Variants in MAML3 observed in about 807,000 individuals in gnomAD.
The protein encoded by MAML3 is mastermind like transcriptional coactivator 3.
In MAML3, 27 loss-of-function variants were observed where a neutral mutation model predicts 101.9. The observed-to-expected ratio is 0.27, with a 90% confidence interval of 0.20 to 0.37. MAML3 has a LOEUF of 0.37. MAML3 is among the 10% of genes least tolerant of loss of function. The probability of loss-of-function intolerance (pLI) is 1.00; values close to 1 mark genes in which losing one functional copy is unlikely to be tolerated. For synonymous variants in MAML3, 501 were observed against 555.9 expected (o/e 0.90, Z 1.39); for missense variants, 1,316 against 1,444.9 (o/e 0.91, Z 1.45).
chr4:139,919,052 A>C (rs977346286), intron 1 of MAML3, among the ~76,000 whole-genome samples: 1 of 152,246 alleles, frequency 6.6e-6, no homozygotes, highest in African/African-American at 2.4e-5. Context: ...CTAAAGAGAA[A>C]TACTACAGGT....
At position 139,890,284 on chromosome 4, in the gene MAML3, G is replaced by T. The variant is rs375901234; in HGVS notation, c.1152C>A (p.Pro384=). ...PQARPSSSGP[P]FSTVSTATSL... ...TAGTGGCCGTGGAGACAGTAGAAAA[G>T]GGAGGACCAGAAGAAGAAGGCCTCG... Residue 384 remains proline (P), a synonymous_variant, in exon 2 of 5, where the codon CCC becomes CCA. Transcript: ENST00000509479. This position sits in a 1 kb window ranked among gnomAD's most constrained non-coding sequence, Gnocchi z 4.1. The T allele has an allele frequency of 9.9e-6, 16 of 1,613,816 alleles. No homozygotes were observed. Among genetic ancestry groups the T allele is most frequent in the Non-Finnish European group, 1.3e-5 (15 of 1,179,880 alleles).
chr4:140,129,448 C>T (rs1202185343), intron 1 of MAML3, among the ~76,000 whole-genome samples: 1 of 152,108 alleles, frequency 6.6e-6, no homozygotes, highest in Non-Finnish European at 1.5e-5. Flanking sequence ...CAAATTAAAT[C>T]AAAACTGATT....
intron 2 of MAML3, among the ~76,000 whole-genome samples, chr4:139,802,118 A>T (rs1578608402): frequency 6.6e-6 from 1 of 152,024 alleles, no homozygotes; most frequent in African/African-American, 2.4e-5. Context: ...GTGAAGGGGG[A>T]GAGCTCTAAC....
At chr4:139,757,479 A>G (rs1220911364) in intron 2 of MAML3, among the ~76,000 whole-genome samples, 3 of 151,914 alleles carry the variant, frequency 2.0e-5, no homozygotes, top group African/African-American at 7.3e-5. Flanking sequence ...GTGAAACCCC[A>G]TCTCTACTAA....
intron 1 of MAML3, among the ~76,000 whole-genome samples, chr4:140,063,397 A>G (rs1007050079): frequency 6.6e-6 from 1 of 152,188 alleles, no homozygotes; most frequent in Non-Finnish European, 1.5e-5. Context: ...AATCAGGAAG[A>G]CAAGTGACTC....
At chr4:139,727,335 A>G (rs761372451) in intron 3 of MAML3, among the ~76,000 whole-genome samples, 2 of 152,226 alleles carry the variant, frequency 1.3e-5, no homozygotes, top group African/African-American at 2.4e-5. Flanking sequence ...GCAGCAATAG[A>G]AGGGCATTAC....
intron 1 of MAML3, among the ~76,000 whole-genome samples, chr4:139,938,655 A>G (rs556030488): frequency 2.3e-4 from 35 of 152,150 alleles, no homozygotes; most frequent in Non-Finnish European, 4.3e-4. Context: ...GCACACCTTC[A>G]TTTTGCCTCA....
At chr4:140,066,029 G>C (rs1411145995) in intron 1 of MAML3, among the ~76,000 whole-genome samples, 1 of 152,192 alleles carries the variant, frequency 6.6e-6, no homozygotes. Context: ...TGTGCACACT[G>C]TTACTGGTGA....
chr4:140,004,057 G>C (rs191385647), intron 1 of MAML3, among the ~76,000 whole-genome samples: 130 of 152,330 alleles, frequency 8.5e-4, no homozygotes, highest in African/African-American at 2.8e-3. Flanking sequence ...TTAAGGTAAG[G>C]CTGCACCAAG....
chr4:139,863,628 T>A (rs1403524986), intron 2 of MAML3, among the ~76,000 whole-genome samples: 1 of 152,104 alleles, frequency 6.6e-6, no homozygotes, highest in South Asian at 2.1e-4. Flanking sequence ...TGAGCCACCG[T>A]GCCCAGCTGC....
intron 1 of MAML3, among the ~76,000 whole-genome samples, chr4:139,948,943 T>G (rs796144857): frequency 5.3e-5 from 8 of 152,292 alleles, no homozygotes; most frequent in African/African-American, 1.7e-4. Flanking sequence ...GGTAAGCTCT[T>G]CCCTATGGCC....
At position 139,912,529 on chromosome 4, in the gene MAML3, C is replaced by G. The variant is rs373686884; in HGVS notation, c.469-21562G>C. Among the ~76,000 whole-genome samples, 18 of 152,330 alleles carry G rather than the reference C, an allele frequency of 1.2e-4. No homozygotes were observed. The East Asian group carries it at 1.5e-3, about 13-fold the overall frequency. ...AATGATATATTGAAGTCCTAAACTT[C>G]AGTACCTCAGAATGTGACTTCATTT... On this transcript the variant is annotated intron_variant, in intron 1 of 4. Transcript: ENST00000509479.
intron 2 of MAML3, among the ~76,000 whole-genome samples, chr4:139,766,874 G>A (rs986277802): frequency 2.6e-5 from 4 of 152,238 alleles, no homozygotes; most frequent in Non-Finnish European, 4.4e-5. Flanking sequence ...GGCCATGGGG[G>A]CCAGTGAATG....
intron 1 of MAML3, among the ~76,000 whole-genome samples, chr4:140,023,986 T>G (rs1302377126): frequency 2.6e-5 from 4 of 152,232 alleles, no homozygotes; most frequent in Non-Finnish European, 1.5e-5. Context: ...TTTCTTGTTT[T>G]TATAGCAAGA....
rs945859748 is a variant in MAML3, at chr4:140,006,012, T to G, written c.469-115045A>C. Among the ~76,000 whole-genome samples, 87 of 152,308 alleles carry G rather than the reference T, an allele frequency of 5.7e-4. No homozygotes were observed. In the Middle Eastern group the frequency reaches 0.017, roughly 30 times the overall value. Reference sequence around the variant, plus strand: ...AAGCACCAGGTGGATAAACAGACATTCATTATTCAGTCTCCTGACCTTGAA... The same window carrying G: ...AAGCACCAGGTGGATAAACAGACATGCATTATTCAGTCTCCTGACCTTGAA... On this transcript the variant is annotated intron_variant, in intron 1 of 4. Transcript: ENST00000509479.
At chr4:140,067,779 G>T (rs1264116428) in intron 1 of MAML3, among the ~76,000 whole-genome samples, 3 of 148,424 alleles carry the variant, frequency 2.0e-5, no homozygotes, top group Non-Finnish European at 4.4e-5. Flanking sequence ...GCCCAGGCTG[G>T]CTGGAGTGCA....
intron 1 of MAML3, among the ~76,000 whole-genome samples, chr4:139,905,536 A>G (rs1732809777): frequency 6.6e-6 from 1 of 150,388 alleles, no homozygotes; most frequent in African/African-American, 2.4e-5. Context: ...AGCTGGTTAC[A>G]AAAGGTAAAA....
At chr4:139,989,882 C>CACACACACACACACAG (rs1385720650) in intron 1 of MAML3, among the ~76,000 whole-genome samples, 35 of 63,130 alleles carry the variant, frequency 5.5e-4, no homozygotes, top group African/African-American at 2.0e-3. Flanking sequence ...CACACACACA[C>CACACACACACACACAG]AGAGAGAGAG....
At chr4:139,860,762 A>G (rs1180973388) in intron 2 of MAML3, among the ~76,000 whole-genome samples, 3 of 152,156 alleles carry the variant, frequency 2.0e-5, no homozygotes, top group Admixed American at 6.5e-5. Context: ...AGTATGAGGT[A>G]TTGTAGGTAC....
Sources: allele counts gnomAD v4.1 joint callset (sites outside exome capture counted in the v4.1 genomes callset), GRCh38; gene constraint gnomAD v4.1.1; non-coding constraint Gnocchi (gnomAD v3.1); transcripts MANE v1.5; gene names NCBI Gene and HGNC (gene_info 2026-07-23, HGNC 2026-07-21).